Variants in ATF2 observed in about 807,000 individuals in gnomAD.
ATF2 encodes cyclic AMP-dependent transcription factor ATF-2.
A neutral mutation model predicts 60.6 loss-of-function variants in ATF2; 24 were observed. The ratio of observed to expected loss-of-function variants is 0.40; its 90% CI spans 0.29 to 0.56. ATF2 has a LOEUF of 0.56. Among genes scored for constraint, ATF2 ranks in the 20% least tolerant of loss-of-function variants. The pLI, the probability that ATF2 is intolerant of heterozygous loss-of-function variation, is 0.54. For missense variants in ATF2, 433 were observed against 607.7 expected, an observed-to-expected ratio of 0.71 and a Z score of 3.02; for synonymous variants, 206 against 215.4, an observed-to-expected ratio of 0.96 and a Z score of 0.38.
intron 12 of ATF2, among the ~76,000 whole-genome samples, chr2:175,081,457 A>T (rs928951177): frequency 5.9e-5 from 9 of 152,200 alleles, no homozygotes; most frequent in African/African-American, 1.9e-4. Context: ...TCTGGTAAAA[A>T]GTTCCAAATT....
At chr2:175,114,906 A>T (rs781727346) in intron 7 of ATF2, 38 bp from the exon 8 acceptor site, 1 of 1,594,594 alleles carries the variant, frequency 6.3e-7, no homozygotes, top group Non-Finnish European at 8.6e-7. Context: ...GGCATTTAAA[A>T]ATACAAATCA....
intron 3 of ATF2, 106 bp from the exon 4 acceptor site, chr2:175,130,313 A>T: frequency 1.5e-6 from 1 of 653,898 alleles, no homozygotes; most frequent in South Asian, 4.5e-5. Flanking sequence ...TTTCTATTTT[A>T]ATACAAAATA....
Position 175,138,732 on chromosome 2 carries a change from C to T in ATF2, c.-43-2246G>A, listed in dbSNP as rs567870087. Among the ~76,000 whole-genome samples, 3 of 152,322 alleles carry T rather than the reference C, an allele frequency of 2.0e-5. No individual in the cohort carries two copies. The East Asian group carries it at 5.8e-4, about 29-fold the overall frequency. ...TTCAAATAACACTTCCTTTGTGATA[C>T]CTTCCCCATAATCCAGATTGAAAAT... On this transcript the variant is annotated intron_variant, in intron 2 of 13. Transcript: ENST00000264110.
At chr2:175,154,184 A>AGC (rs1429556084) in intron 1 of ATF2, among the ~76,000 whole-genome samples, 1 of 151,118 alleles carries the variant, frequency 6.6e-6, no homozygotes, top group Non-Finnish European at 1.5e-5. Flanking sequence ...ACTGCACTCC[A>AGC]GCCTAGGCAA....
intron 3 of ATF2, among the ~76,000 whole-genome samples, chr2:175,135,290 C>T (rs1698060233): frequency 6.6e-6 from 1 of 152,120 alleles, no homozygotes. Flanking sequence ...CTTAAATTAA[C>T]ACCAAAGGTT....
At chr2:175,076,093 G>C (rs991011642) in intron 13 of ATF2, among the ~76,000 whole-genome samples, 6 of 152,142 alleles carry the variant, frequency 3.9e-5, no homozygotes, top group African/African-American at 1.4e-4. Flanking sequence ...CTTAGCCTAT[G>C]ATTTGCAATG....
intron 1 of ATF2, among the ~76,000 whole-genome samples, chr2:175,157,586 G>A (rs543577025): frequency 6.2e-4 from 95 of 152,194 alleles, no homozygotes; most frequent in Non-Finnish European, 9.4e-4. Flanking sequence ...TGCTGCTGAT[G>A]TGGCCCCTTT....
chr2:175,162,622 T>C (rs1252916887), intron 1 of ATF2, among the ~76,000 whole-genome samples: 1 of 152,232 alleles, frequency 6.6e-6, no homozygotes, highest in Non-Finnish European at 1.5e-5. Context: ...AATTTAATAC[T>C]TATTTTTCAA....
chr2:175,136,745 T>C (rs1321959557), intron 2 of ATF2, among the ~76,000 whole-genome samples: 1 of 152,194 alleles, frequency 6.6e-6, no homozygotes, highest in East Asian at 1.9e-4. Flanking sequence ...CCCTTAGGGC[T>C]GTGATTGAAG....
At chr2:175,116,796 C>T (rs574815103) in intron 7 of ATF2, among the ~76,000 whole-genome samples, 7 of 151,934 alleles carry the variant, frequency 4.6e-5, no homozygotes, top group Admixed American at 1.3e-4. Flanking sequence ...GAATGAAATG[C>T]TCTCTAGGAA....
intron 2 of ATF2, among the ~76,000 whole-genome samples, chr2:175,140,636 TAA>T (rs2105779883): frequency 6.6e-6 from 1 of 152,072 alleles, no homozygotes; most frequent in African/African-American, 2.4e-5. Flanking sequence ...TAATTTATTA[TAA>T]GTCAATTATA....
chr2:175,084,411 A>C (rs998259650), intron 12 of ATF2, among the ~76,000 whole-genome samples: 7 of 148,688 alleles, frequency 4.7e-5, no homozygotes, highest in African/African-American at 1.5e-4. Flanking sequence ...ACCAAACACC[A>C]CATGTTCTCA....
At chr2:175,087,273 C>T (rs1694233821) in intron 12 of ATF2, among the ~76,000 whole-genome samples, 2 of 152,186 alleles carry the variant, frequency 1.3e-5, no homozygotes, top group East Asian at 3.9e-4. Context: ...GTGAAAGTCC[C>T]ATTCAAATGT....
intron 13 of ATF2, 21 bp downstream of exon 13, chr2:175,080,639 A>G: frequency 6.3e-7 from 1 of 1,581,618 alleles, no homozygotes; most frequent in Non-Finnish European, 8.7e-7. Context: ...CTAAGGCTAT[A>G]GGTAATGGAA....
Position 175,072,770 on chromosome 2 carries a change from T to C in ATF2, c.*1839A>G, listed in dbSNP as rs537367448. 3.9e-5 allele frequency: 6 copies of C among 152,152 alleles called. No homozygotes were observed. Among genetic ancestry groups the C allele is most frequent in the Non-Finnish European group, 8.8e-5 (6 of 67,986 alleles). The allele number at this position is 152,152 out of a possible 1,614,324, so 9.4% of individuals were successfully genotyped here. A position where few individuals can be genotyped will look rare whatever the true frequency, so the allele number is the denominator to read the frequency against. On this transcript the variant is annotated 3_prime_UTR_variant, in exon 14 of 14. Coordinates refer to ENST00000264110, the MANE Select transcript of ATF2 (RefSeq NM_001880.4). ...ACTGATTACTTTAAAATAATGAAATTAGTTAAAAATTAAAAATTTAAAAAA... is the reference window on the plus strand; with the variant it reads ...ACTGATTACTTTAAAATAATGAAATCAGTTAAAAATTAAAAATTTAAAAAA...
chr2:175,107,935 C>T (rs1456829491), intron 10 of ATF2, among the ~76,000 whole-genome samples: 3 of 152,034 alleles, frequency 2.0e-5, no homozygotes, highest in South Asian at 2.1e-4. Flanking sequence ...ACCTCCCAGC[C>T]GCCTGCCTTG....
chr2:175,092,586 A>G (rs1323832909), intron 12 of ATF2: 1 of 453,070 alleles, frequency 2.2e-6, no homozygotes, highest in South Asian at 1.7e-5. Flanking sequence ...CAAAGCTGTC[A>G]ATCTGGCACC....
chr2:175,120,597 A>C (rs1241832555), intron 5 of ATF2, among the ~76,000 whole-genome samples: 1 of 151,714 alleles, frequency 6.6e-6, no homozygotes. Flanking sequence ...TTCCAGACTT[A>C]TATGACATAT....
chr2:175,141,034 T>A (rs201277413), intron 2 of ATF2, among the ~76,000 whole-genome samples: 14 of 101,868 alleles, frequency 1.4e-4, no homozygotes, highest in East Asian at 3.0e-4. Context: ...AAAAAAAATA[T>A]ATATATATAT....
Sources: allele counts gnomAD v4.1 joint callset (sites outside exome capture counted in the v4.1 genomes callset), GRCh38; gene constraint gnomAD v4.1.1; transcripts MANE v1.5; gene names NCBI Gene and HGNC (gene_info 2026-07-23, HGNC 2026-07-21).